The following OSBP2 variants were observed in gnomAD, a reference collection of about 807,000 sequenced individuals.
The protein encoded by OSBP2 is oxysterol-binding protein 2.
In OSBP2, 66 loss-of-function variants were observed where a neutral mutation model predicts 96.0. The ratio of observed to expected loss-of-function variants is 0.69; its 90% CI spans 0.56 to 0.84. The LOEUF (loss-of-function observed/expected upper bound fraction) is 0.84. OSBP2 is among the 40% of genes least tolerant of loss of function. OSBP2 has a pLI of 0.00. For missense variants in OSBP2, 1,038 were observed against 1,222.7 expected (o/e 0.85, Z 2.25); for synonymous variants, 525 against 520.9 (o/e 1.01, Z -0.11).
chr22:30,902,152 A>AC lies in OSBP2; in HGVS notation c.2376-3684dup, dbSNP rs55882087. 112 of 453,420 alleles carry AC rather than the reference A, an allele frequency of 2.5e-4. 2 individuals carry two copies. The highest frequency in any genetic ancestry group is 7.2e-4 in the Middle Eastern group (1 of 1,398). The allele number at this position is 453,420 out of a possible 1,614,324, so 28.1% of individuals were successfully genotyped here. A position where few individuals can be genotyped will look rare whatever the true frequency, so the allele number is the denominator to read the frequency against. ...AAAAAAAAAAAACCAAAAAAAAAAA[A>AC]CAGAGGGTCCCACGGCAGTACTGGT... is the stretch of plus-strand genomic sequence containing the variant. On this transcript the variant is annotated intron_variant, in intron 12 of 13. Transcript: ENST00000332585.
At chr22:30,803,600 G>C (rs2090885772) in intron 2 of OSBP2, among the ~76,000 whole-genome samples, 1 of 152,224 alleles carries the variant, frequency 6.6e-6, no homozygotes, top group Non-Finnish European at 1.5e-5. Context: ...TTTAGCAGGG[G>C]AAGGCAAGCT....
chr22:30,835,737 T>A (rs894937580), intron 2 of OSBP2, among the ~76,000 whole-genome samples: 42 of 149,170 alleles, frequency 2.8e-4, no homozygotes, highest in African/African-American at 1.0e-3. Flanking sequence ...TTTTTTTTTT[T>A]AAGATACAAA....
chr22:30,730,440 T>C (rs2089730530), intron 1 of OSBP2, among the ~76,000 whole-genome samples: 1 of 152,140 alleles, frequency 6.6e-6, no homozygotes, highest in Admixed American at 6.6e-5. Context: ...TTTACAGGCC[T>C]GTGTCCTTCC....
chr22:30,771,747 A>G lies in OSBP2; in HGVS notation c.853+30378A>G, dbSNP rs555380807. On this transcript the variant is annotated intron_variant, in intron 2 of 13. Transcript: ENST00000332585. ...GATGATTTGAAAACCATTGGTCCAGAGCTTCCACCTGAATCAGGATTAGCT... is the reference window on the plus strand; with the variant it reads ...GATGATTTGAAAACCATTGGTCCAGGGCTTCCACCTGAATCAGGATTAGCT... Among the ~76,000 whole-genome samples, 5 of 152,320 alleles carry G rather than the reference A, an allele frequency of 3.3e-5. No individual in the cohort carries two copies. In the South Asian group the frequency reaches 1.0e-3, roughly 32 times the overall value.
chr22:30,905,448 CTGTCT>C (rs1301993567), intron 12 of OSBP2, among the ~76,000 whole-genome samples: 1 of 151,454 alleles, frequency 6.6e-6, no homozygotes, highest in African/African-American at 2.4e-5. Flanking sequence ...AGCGGAGACC[CTGTCT>C]TAAAAAAGCC....
At chr22:30,754,111 T>A (rs975832726) in intron 2 of OSBP2, among the ~76,000 whole-genome samples, 9 of 152,124 alleles carry the variant, frequency 5.9e-5, no homozygotes, top group Non-Finnish European at 1.2e-4. Flanking sequence ...TTTCTGCTGC[T>A]TGGGGAAAAA....
chr22:30,706,534 G>A (rs1003240082), intron 1 of OSBP2, among the ~76,000 whole-genome samples: 3 of 152,098 alleles, frequency 2.0e-5, no homozygotes, highest in Admixed American at 6.6e-5. Context: ...GCTTGCATAG[G>A]AAACTGCCAG....
At chr22:30,778,332 C>CACACACACAA (rs1322753503) in intron 2 of OSBP2, among the ~76,000 whole-genome samples, 4 of 151,452 alleles carry the variant, frequency 2.6e-5, no homozygotes, top group African/African-American at 7.3e-5. Context: ...CACACACACA[C>CACACACACAA]ACCCACTGAC....
At chr22:30,862,899 G>GT (rs1307411104) in intron 2 of OSBP2, among the ~76,000 whole-genome samples, 1 of 151,828 alleles carries the variant, frequency 6.6e-6, no homozygotes, top group Non-Finnish European at 1.5e-5. Context: ...CTTGAACCTG[G>GT]TAGGCGGAGG....
At chr22:30,897,399 C>A (rs1285538284) in intron 12 of OSBP2, among the ~76,000 whole-genome samples, 1 of 152,156 alleles carries the variant, frequency 6.6e-6, no homozygotes, top group Admixed American at 6.5e-5. Context: ...ACTCTGAGAA[C>A]ATATTTTTTC....
At chr22:30,859,969 A>G (rs1417451999) in intron 2 of OSBP2, among the ~76,000 whole-genome samples, 4 of 152,136 alleles carry the variant, frequency 2.6e-5, no homozygotes, top group Non-Finnish European at 5.9e-5. Context: ...GGCAGCACCC[A>G]GGCCATGAGG....
At chr22:30,817,411 C>A (rs930571088) in intron 2 of OSBP2, among the ~76,000 whole-genome samples, 1 of 152,236 alleles carries the variant, frequency 6.6e-6, no homozygotes, top group South Asian at 2.1e-4. Flanking sequence ...AGACCCACAG[C>A]GGTTGAGGGC....
At chr22:30,851,778 A>G (rs1033791881) in intron 2 of OSBP2, among the ~76,000 whole-genome samples, 3 of 152,166 alleles carry the variant, frequency 2.0e-5, no homozygotes, top group African/African-American at 7.2e-5. Flanking sequence ...ATTAAGTATG[A>G]TGATAACTGT....
intron 1 of OSBP2, among the ~76,000 whole-genome samples, chr22:30,730,310 A>G (rs570350522): frequency 1.3e-5 from 2 of 152,280 alleles, no homozygotes; most frequent in South Asian, 4.1e-4. Context: ...AAAGTATAAC[A>G]TACATGCAGA....
At chr22:30,848,997 T>A (rs1395348797) in intron 2 of OSBP2, among the ~76,000 whole-genome samples, 1 of 152,222 alleles carries the variant, frequency 6.6e-6, no homozygotes, top group Non-Finnish European at 1.5e-5. Context: ...CTGGGTGCAG[T>A]GGCTCATGCC....
intron 2 of OSBP2, among the ~76,000 whole-genome samples, chr22:30,756,671 C>T (rs762726129): frequency 4.6e-5 from 7 of 151,998 alleles, no homozygotes; most frequent in Admixed American, 6.6e-5. Context: ...CCAGCTTGGA[C>T]GACAGAGCGA....
rs2040344984 is a variant in OSBP2, at chr22:30,906,747, T to C, written c.*408T>C. The C allele has an allele frequency of 6.1e-6, 1 of 163,556 alleles. No individual in the cohort carries two copies. The highest frequency in any genetic ancestry group is 2.4e-5 in the African/African-American group (1 of 41,884). 10.1% of individuals were successfully genotyped at this position (163,556 alleles called of 1,614,324 possible). On this transcript the variant is annotated 3_prime_UTR_variant, in exon 14 of 14. Transcript: ENST00000332585. ...GATCTCCATTTCTTTCCAGCCATGATGTTTAGTAAATATTTTTAGTACCGC... is the reference window on the plus strand; with the variant it reads ...GATCTCCATTTCTTTCCAGCCATGACGTTTAGTAAATATTTTTAGTACCGC...
In OSBP2 at chr22:30,824,353, G is replaced by A. The variant is rs114458201; in HGVS notation, c.854-46076G>A. ...GGAGGGAGGAGGCCCAGCGGCGAGT[G>A]CAGCAGTCAAGAGCAGCCAGAACTC... On this transcript the variant is annotated intron_variant, in intron 2 of 13. Transcript: ENST00000332585. Among the ~76,000 whole-genome samples the A allele has an allele frequency of 6.4e-3, 978 of 152,268 alleles. 14 individuals carry two copies. Among genetic ancestry groups the A allele is most frequent in the African/African-American group, 0.023 (943 of 41,546 alleles).
At chr22:30,894,025 C>T (rs573115482) in intron 12 of OSBP2, 24 bp downstream of exon 12, 20 of 1,572,874 alleles carry the variant, frequency 1.3e-5, no homozygotes, top group South Asian at 4.6e-5. Flanking sequence ...GCAGGGGCCC[C>T]GCCACAGGCA....
Sources: gnomAD v4.1 joint callset for allele counts (sites outside exome capture counted in the v4.1 genomes callset) on GRCh38, gnomAD v4.1.1 for gene constraint, MANE v1.5 for transcripts, NCBI Gene and HGNC (gene_info 2026-07-23, HGNC 2026-07-21) for gene names.